Variants in CARD16 observed in about 807,000 individuals in gnomAD.
CARD16 encodes the protein caspase recruitment domain family member 16, also known as caspase recruitment domain-containing protein 16.
Under a neutral mutation model 11.9 loss-of-function variants are expected in CARD16, and 8 were observed. That is an observed-to-expected ratio of 0.67 (90% CI 0.39 to 1.21). The LOEUF (loss-of-function observed/expected upper bound fraction) is 1.21, where lower values mean the gene tolerates loss of function less well. Ranked by LOEUF, CARD16 falls within the 50% of genes most tolerant of loss-of-function variation. CARD16 has a pLI of 0.01. For synonymous variants in CARD16, 44 were observed against 43.8 expected, an observed-to-expected ratio of 1.00 and a Z score of -0.02; for missense variants, 131 against 118.1, an observed-to-expected ratio of 1.11 and a Z score of -0.51.
intron 2 of CARD16, chr11:105,044,119 G>T (rs1422458584): frequency 7.3e-6 from 4 of 547,810 alleles, no homozygotes; most frequent in Non-Finnish European, 1.3e-5. Context: ...GGAACATATT[G>T]TATGAAGCTT....
At chr11:105,045,250 T>C (rs375786261) in intron 1 of CARD16, 41 bp downstream of exon 1, 1 of 1,613,838 alleles carries the variant, frequency 6.2e-7, no homozygotes. Flanking sequence ...CCACAACTCT[T>C]TCTTCCCAGG....
At chr11:105,043,319 G>A (rs969027608) in intron 3 of CARD16, among the ~76,000 whole-genome samples, 164 bp downstream of exon 3, 10 of 151,836 alleles carry the variant, frequency 6.6e-5, no homozygotes, top group Non-Finnish European at 1.2e-4. Flanking sequence ...GAGTAGTAAA[G>A]CTTTGGGAAC....
intron 3 of CARD16, among the ~76,000 whole-genome samples, chr11:105,041,965 A>G (rs1034361666): frequency 1.3e-5 from 2 of 152,206 alleles, no homozygotes; most frequent in Non-Finnish European, 2.9e-5. Flanking sequence ...CTTAGATAAA[A>G]ACAGAGAGGA....
chr11:105,045,217 G>A lies in CARD16; in HGVS notation c.7+74C>T, dbSNP rs1453913472. Reference sequence around the variant, plus strand: ...TAAACTTCCACAGATACTAATTATGGCTTCCAGAAGAGCCAGCCCTTTCCA... The same window carrying A: ...TAAACTTCCACAGATACTAATTATGACTTCCAGAAGAGCCAGCCCTTTCCA... On this transcript the variant is annotated intron_variant, in intron 1 of 3. Transcript: ENST00000673097. 1.4e-5 allele frequency: 23 copies of A among 1,601,300 alleles called. No homozygotes were observed. The Admixed American group carries it at 3.8e-4, about 27-fold the overall frequency.
chr11:105,043,395 T>C (rs1038454864), intron 3 of CARD16, 88 bp downstream of exon 3: 7 of 880,416 alleles, frequency 8.0e-6, no homozygotes, highest in Admixed American at 2.2e-5. Flanking sequence ...GAATTCTCCA[T>C]AGCCCCTTCA....
intron 1 of CARD16, 146 bp downstream of exon 1, chr11:105,045,145 G>C: frequency 8.5e-7 from 1 of 1,180,068 alleles, no homozygotes; most frequent in East Asian, 2.3e-5. Flanking sequence ...AAATCTTCTA[G>C]TTCCTTCTCT....
chr11:105,044,728 A>G, intron 1 of CARD16, 70 bp from the exon 2 acceptor site: 1 of 1,574,814 alleles, frequency 6.3e-7, no homozygotes, highest in Non-Finnish European at 8.6e-7. Flanking sequence ...ATCAACAGAA[A>G]GTGACCTCAT....
chr11:105,044,173 C>A, intron 2 of CARD16: 1 of 695,144 alleles, frequency 1.4e-6, no homozygotes, highest in South Asian at 2.0e-5. Context: ...CTACCATGTA[C>A]TCAGAACAGA....
At chr11:105,042,367 A>C (rs771147024) in intron 3 of CARD16, among the ~76,000 whole-genome samples, 12 of 152,208 alleles carry the variant, frequency 7.9e-5, no homozygotes, top group Non-Finnish European at 1.8e-4. Context: ...ACATATGAGG[A>C]AATGTTTTCA....
rs190438669 is a variant in CARD16, at chr11:105,044,681, T to C, written c.8-23A>G. 28 of 1,612,142 alleles carry C rather than the reference T, an allele frequency of 1.7e-5. No individual in the cohort carries two copies. In the Admixed American group the frequency reaches 3.3e-4, roughly 19 times the overall value. Reference sequence around the variant, plus strand: ...TGTCTGTTTGGAGCACAAGGATTTCTCACATCATGAAAACAGCCTCATATT... The same window carrying C: ...TGTCTGTTTGGAGCACAAGGATTTCCCACATCATGAAAACAGCCTCATATT... On this transcript the variant is annotated intron_variant, in intron 1 of 3. Transcript: ENST00000673097.
At chr11:105,043,110 G>A (rs1368890279) in intron 3 of CARD16, among the ~76,000 whole-genome samples, 1 of 152,056 alleles carries the variant, frequency 6.6e-6, no homozygotes, top group African/African-American at 2.4e-5. Flanking sequence ...GGTGATGGTG[G>A]CATCAAAAAC....
At position 105,044,641 on chromosome 11, in the gene CARD16, TCTC is replaced by T; in HGVS notation, c.22_24del (p.Glu8del). 6.2e-7 allele frequency: 1 copy of T among 1,614,048 alleles called. No individual in the cohort carries two copies. The highest frequency in any genetic ancestry group is 8.5e-7 in the Non-Finnish European group (1 of 1,179,930). On this transcript the variant is annotated inframe_deletion, in exon 2 of 4. Coordinates refer to ENST00000673097, the MANE Select transcript of CARD16 (RefSeq NM_052889.4). ...ATGGAATGGATAAACAGCTTTCTCTTCTCCTTCAGGACCTTGTCTGTTTGGAGC... is the reference window on the plus strand; with the variant it reads ...ATGGAATGGATAAACAGCTTTCTCTTCTTCAGGACCTTGTCTGTTTGGAGC...
In CARD16 at chr11:105,044,479, G is replaced by T. The variant is rs1318327042; in HGVS notation, c.187C>A (p.Pro63Thr). 1 of 1,614,058 alleles carries T rather than the reference G, an allele frequency of 6.2e-7. No homozygotes were observed. Among genetic ancestry groups the T allele is most frequent in the African/African-American group, 1.3e-5 (1 of 75,008 alleles). The change falls in exon 2 of 4, where the codon CCG becomes ACG. Residue 63 changes from proline to threonine, a missense_variant. Coordinates refer to ENST00000673097, the MANE Select transcript of CARD16 (RefSeq NM_052889.4). ...KTRALIDSVI[P>T]KGAQACQICI... ...ATTTGGCATGCCTGTGCCCCTTTCG[G>T]AATAACGGAGTCAATCAAAGCTCGG...
intron 3 of CARD16, 100 bp downstream of exon 3, chr11:105,043,382 TG>T: frequency 1.3e-6 from 1 of 781,888 alleles, no homozygotes; most frequent in Non-Finnish European, 2.1e-6. Flanking sequence ...GATCAGTCTA[TG>T]GGAATTCTCC....
At chr11:105,044,800 T>C (rs1864171470) in intron 1 of CARD16, 142 bp from the exon 2 acceptor site, 4 of 1,434,768 alleles carry the variant, frequency 2.8e-6, no homozygotes, top group Non-Finnish European at 3.8e-6. Context: ...TCTTACTGTA[T>C]TGCTGTCCTA....
chr11:105,045,218 C>T (rs1864179077), intron 1 of CARD16, 73 bp downstream of exon 1: 1 of 1,604,594 alleles, frequency 6.2e-7, no homozygotes, highest in African/African-American at 1.3e-5. Context: ...CTAATTATGG[C>T]TTCCAGAAGA....
chr11:105,043,491 G>C lies in CARD16; in HGVS notation c.*35C>G, dbSNP rs1250219867. 6.9e-6 allele frequency: 11 copies of C among 1,605,584 alleles called. No homozygotes were observed. The highest frequency in any genetic ancestry group is 8.5e-6 in the Non-Finnish European group (10 of 1,173,944). On this transcript the variant is annotated 3_prime_UTR_variant, in exon 3 of 4. Coordinates refer to ENST00000673097, the MANE Select transcript of CARD16 (RefSeq NM_052889.4). Reference sequence around the variant, plus strand: ...TTGAAAAACAACATTACCTGGGAAGGAAGAAAATAGTAATTGGGAGTCTTG... The same window carrying C: ...TTGAAAAACAACATTACCTGGGAAGCAAGAAAATAGTAATTGGGAGTCTTG...
At chr11:105,043,818 G>A (rs138693784) in intron 2 of CARD16, 3 of 379,092 alleles carry the variant, frequency 7.9e-6, no homozygotes, top group Admixed American at 4.3e-5. Flanking sequence ...CTGCAGCTTG[G>A]CAACAGACAA....
chr11:105,043,480 T>A lies in CARD16; in HGVS notation c.*43+3A>T, dbSNP rs747676450. 1 of 1,598,856 alleles carries A rather than the reference T, an allele frequency of 6.3e-7. No individual in the cohort carries two copies. Among genetic ancestry groups the A allele is most frequent in the South Asian group, 1.1e-5 (1 of 90,154 alleles). On this transcript the variant is annotated splice_donor_region_variant and intron_variant, in intron 3 of 3. Coordinates refer to ENST00000673097, the MANE Select transcript of CARD16 (RefSeq NM_052889.4). Reference sequence around the variant, plus strand: ...AATGCTCTTCATTGAAAAACAACATTACCTGGGAAGGAAGAAAATAGTAAT... The same window carrying A: ...AATGCTCTTCATTGAAAAACAACATAACCTGGGAAGGAAGAAAATAGTAAT...
Sources: gnomAD v4.1 joint callset for allele counts (sites outside exome capture counted in the v4.1 genomes callset) on GRCh38, gnomAD v4.1.1 for gene constraint, MANE v1.5 for transcripts, NCBI Gene and HGNC (gene_info 2026-07-23, HGNC 2026-07-21) for gene names.